The following DOCK2 variants were observed in gnomAD, a reference collection of about 807,000 sequenced individuals.
DOCK2 encodes dedicator of cytokinesis protein 2.
A neutral mutation model predicts 248.9 loss-of-function variants in DOCK2; 87 were observed. The ratio of observed to expected loss-of-function variants is 0.35; its 90% CI spans 0.29 to 0.42. The LOEUF (loss-of-function observed/expected upper bound fraction) is 0.42. Among genes scored for constraint, DOCK2 ranks in the 10% least tolerant of loss-of-function variants. The probability of loss-of-function intolerance (pLI) is 1.00; values close to 1 mark genes in which losing one functional copy is unlikely to be tolerated. For missense variants in DOCK2, 1,747 were observed against 2,300.2 expected (o/e 0.76, Z 4.92); for synonymous variants, 805 against 821.6 (o/e 0.98, Z 0.35).
chr5:169,654,384 C>T lies in DOCK2; in HGVS notation c.44-19C>T, dbSNP rs578109974. 6 of 1,613,896 alleles carry T rather than the reference C, an allele frequency of 3.7e-6. No homozygotes were observed. In the African/African-American group the frequency reaches 8.0e-5, roughly 22 times the overall value. On this transcript the variant is annotated intron_variant, in intron 1 of 51. Coordinates refer to ENST00000520908, the MANE Select transcript of DOCK2 (RefSeq NM_004946.3). ...AGATCTAGAGGTCTCACCTAGCTGT[C>T]TTTCTTTCTGTTTCACAGCCATATA... is the stretch of plus-strand genomic sequence containing the variant.
chr5:169,971,813 A>C (rs1777518062), intron 27 of DOCK2, among the ~76,000 whole-genome samples: 1 of 152,202 alleles, frequency 6.6e-6, no homozygotes, highest in Admixed American at 6.5e-5. Flanking sequence ...AGGCCCTTCC[A>C]TATTCTTCCC....
Position 169,983,058 on chromosome 5 carries a change from T to A in DOCK2, c.2800-10T>A. The A allele has an allele frequency of 6.2e-7, 1 of 1,613,962 alleles. No individual in the cohort carries two copies. Among genetic ancestry groups the A allele is most frequent in the Non-Finnish European group, 8.5e-7 (1 of 1,179,842 alleles). The stretch of plus-strand genomic sequence containing the variant: ...CAACTATTTATAGTATTTGTCTTCA[T>A]TTCTTGCAGAGTCACTTTGTGGCAT... On this transcript the variant is annotated splice_polypyrimidine_tract_variant and intron_variant, in intron 27 of 51. Transcript: ENST00000520908.
chr5:169,669,738 G>A (rs1758938205), intron 3 of DOCK2, among the ~76,000 whole-genome samples: 1 of 152,106 alleles, frequency 6.6e-6, no homozygotes, highest in South Asian at 2.1e-4. Flanking sequence ...ACTTTTGAGG[G>A]GTTCTCTTGT....
At chr5:169,641,593 A>C (rs1757156258) in intron 1 of DOCK2, among the ~76,000 whole-genome samples, 1 of 152,200 alleles carries the variant, frequency 6.6e-6, no homozygotes, top group Admixed American at 6.5e-5. Context: ...GGTCAGAGGA[A>C]TCACATGGAA....
At chr5:169,874,000 A>G (rs1403731397) in intron 27 of DOCK2, among the ~76,000 whole-genome samples, 5 of 152,230 alleles carry the variant, frequency 3.3e-5, no homozygotes, top group African/African-American at 1.2e-4. Flanking sequence ...GCTAGGAACG[A>G]GAATGCTGGT....
intron 44 of DOCK2, among the ~76,000 whole-genome samples, chr5:170,065,568 T>C (rs1757461716): frequency 1.3e-5 from 2 of 152,222 alleles, no homozygotes; most frequent in Non-Finnish European, 2.9e-5. Context: ...GAAAGACGTT[T>C]ATTGGACTTA....
Position 169,772,190 on chromosome 5 carries a change from G to C in DOCK2, c.2554+10565G>C, listed in dbSNP as rs139346306. 4.8e-3 allele frequency among the ~76,000 whole-genome samples: 734 copies of C among 152,292 alleles called. 3 individuals are homozygous for C. Among genetic ancestry groups the C allele is most frequent in the Non-Finnish European group, 8.6e-3 (585 of 68,024 alleles). On this transcript the variant is annotated intron_variant, in intron 25 of 51. Transcript: ENST00000520908. ...TGCTATCGCTCACTGAGAGCTGAAG[G>C]ATTAGGAAAAAGGAGTAGCCTCTCC...
At chr5:170,046,257 G>T (rs13356751) in intron 39 of DOCK2, among the ~76,000 whole-genome samples, 6,178 of 152,260 alleles carry the variant, frequency 0.041, 255 homozygotes, top group African/African-American at 0.11. Context: ...ACACAAATTT[G>T]TGCTTTCTGA....
At chr5:170,062,325 C>T (rs1757362195) in intron 44 of DOCK2, among the ~76,000 whole-genome samples, 1 of 152,000 alleles carries the variant, frequency 6.6e-6, no homozygotes, top group Admixed American at 6.6e-5. Context: ...CCTGGGTCTC[C>T]CTCCACCCCC....
intron 23 of DOCK2, among the ~76,000 whole-genome samples, chr5:169,755,460 C>T (rs34136428): frequency 7.6e-4 from 116 of 152,082 alleles, no homozygotes; most frequent in Non-Finnish European, 1.4e-3. Flanking sequence ...AATAATAGAA[C>T]GGCTGGGCAC....
intron 27 of DOCK2, among the ~76,000 whole-genome samples, chr5:169,955,840 C>T (rs772892699): frequency 6.6e-6 from 1 of 152,180 alleles, no homozygotes; most frequent in Non-Finnish European, 1.5e-5. Context: ...CGATTCAGTT[C>T]CTTTTCATGT....
At chr5:169,922,955 C>T (rs1167401485) in intron 27 of DOCK2, among the ~76,000 whole-genome samples, 1 of 152,192 alleles carries the variant, frequency 6.6e-6, no homozygotes, top group African/African-American at 2.4e-5. Flanking sequence ...AGCTTCTAAG[C>T]ACTTTGTAAA....
intron 22 of DOCK2, among the ~76,000 whole-genome samples, chr5:169,739,671 A>G (rs1015914703): frequency 1.1e-4 from 16 of 152,120 alleles, no homozygotes; most frequent in South Asian, 2.1e-4. Flanking sequence ...TTTTTCTGTT[A>G]TATATTTTCA....
At chr5:169,741,849 TC>T (rs1763325995) in intron 22 of DOCK2, among the ~76,000 whole-genome samples, 4 of 132,938 alleles carry the variant, frequency 3.0e-5, no homozygotes, top group African/African-American at 1.1e-4. Flanking sequence ...TCGCTCTGTC[TC>T]CCAGGCTGGA....
In DOCK2 at chr5:169,877,995, G is replaced by A. The variant is rs576045539; in HGVS notation, c.2799+37143G>A. Among the ~76,000 whole-genome samples the A allele has an allele frequency of 1.2e-4, 18 of 152,236 alleles. No individual in the cohort carries two copies. In the East Asian group the frequency reaches 3.3e-3, roughly 28 times the overall value. On this transcript the variant is annotated intron_variant, in intron 27 of 51. Transcript: ENST00000520908. ...TATTATTTTCCTTTAAAACATATTG[G>A]AGACATTTTACAACTGAAACCAAGC...
intron 1 of DOCK2, among the ~76,000 whole-genome samples, chr5:169,643,999 C>A (rs979975550): frequency 1.3e-5 from 2 of 152,036 alleles, no homozygotes; most frequent in Non-Finnish European, 2.9e-5. Flanking sequence ...AGGGAAGGAC[C>A]CTTCTAAGTA....
chr5:169,959,971 A>G (rs927262511), intron 27 of DOCK2, among the ~76,000 whole-genome samples: 3 of 152,350 alleles, frequency 2.0e-5, no homozygotes, highest in Admixed American at 6.5e-5. Context: ...ATAAGAGTAA[A>G]TAGGTTAAAT....
chr5:169,792,969 A>G (rs182724191), intron 25 of DOCK2, among the ~76,000 whole-genome samples: 1 of 152,334 alleles, frequency 6.6e-6, no homozygotes, highest in Non-Finnish European at 1.5e-5. Context: ...AGGCAAGTGC[A>G]GTGGGGTAAC....
chr5:169,671,139 T>C lies in DOCK2; in HGVS notation c.286T>C (p.Trp96Arg), dbSNP rs370949354. The C allele has an allele frequency of 6.4e-5, 104 of 1,613,926 alleles. 1 individual carries two copies. The highest frequency in any genetic ancestry group is 8.4e-5 in the Non-Finnish European group (99 of 1,179,958). Residue 96 changes from tryptophan (W) to arginine (R), a missense_variant, in exon 5 of 52, where the codon TGG becomes CGG. This residue lies in a region of DOCK2 where 375 missense variants were observed against 510.9 expected (regional missense o/e 0.73). Coordinates refer to ENST00000520908, the MANE Select transcript of DOCK2 (RefSeq NM_004946.3). ...PLAQEVTTTL[W>R]EWGSIWKQLY... ...GGCACAAGAAGTGACAACGACACTT[T>C]GGGAATGGGGAAGCATCTGGAAACA...
Sources: gnomAD v4.1 joint callset for allele counts (sites outside exome capture counted in the v4.1 genomes callset) on GRCh38, gnomAD v4.1.1 for gene constraint, gnomAD v4.1.1 regional missense constraint, MANE v1.5 for transcripts, NCBI Gene and HGNC (gene_info 2026-07-23, HGNC 2026-07-21) for gene names.